Variants in GARIN1A observed in about 807,000 individuals in gnomAD.
GARIN1A encodes the protein golgi associated RAB2 interactor 1A.
the GARIN1A span, among the ~76,000 whole-genome samples, chr7:128,675,448 TTTAG>T: frequency 7.7e-6 from 1 of 130,550 alleles, no homozygotes. Context: ...CAGTTATCTT[TTTAG>T]TTAGATAAAA....
the GARIN1A span, among the ~76,000 whole-genome samples, chr7:128,704,308 CTT>C: frequency 1.6e-3 from 226 of 137,224 alleles, no homozygotes; most frequent in Non-Finnish European, 2.3e-3. Flanking sequence ...TTAGAGTAAC[CTT>C]TTTTTTTTTT....
the GARIN1A span, among the ~76,000 whole-genome samples, chr7:128,705,511 A>G: frequency 2.0e-5 from 3 of 151,806 alleles, no homozygotes; most frequent in African/African-American, 7.3e-5. Flanking sequence ...TATAATTCAG[A>G]AGGTTTTCCA....
the GARIN1A span, among the ~76,000 whole-genome samples, chr7:128,708,811 G>A: frequency 6.6e-6 from 1 of 152,100 alleles, no homozygotes; most frequent in Non-Finnish European, 1.5e-5. Flanking sequence ...ATGGCAAGGG[G>A]AGTCATTCTG....
chr7:128,693,045 C>G, the GARIN1A span, among the ~76,000 whole-genome samples: 4 of 152,358 alleles, frequency 2.6e-5, no homozygotes, highest in East Asian at 7.7e-4. Flanking sequence ...TACAGATAGT[C>G]TAAGAGAAGG....
chr7:128,675,990 CATTT>C, the GARIN1A span: 849 of 580,108 alleles, frequency 1.5e-3, 1 homozygote, highest in Non-Finnish European at 1.9e-3. Flanking sequence ...CTCATTCATT[CATTT>C]GTTTAGCAAC....
the GARIN1A span, among the ~76,000 whole-genome samples, chr7:128,702,385 G>C: frequency 6.6e-6 from 1 of 152,128 alleles, no homozygotes; most frequent in African/African-American, 2.4e-5. Flanking sequence ...AGACAGGAGG[G>C]AGATATTGGA....
At chr7:128,681,643 A>T in the GARIN1A span, among the ~76,000 whole-genome samples, 938 of 151,840 alleles carry the variant, frequency 6.2e-3, 8 homozygotes, top group African/African-American at 0.022. Flanking sequence ...CTGGGGCTAC[A>T]GGCATGCACC....
At chr7:128,680,426 C>A in the GARIN1A span, among the ~76,000 whole-genome samples, 2 of 152,308 alleles carry the variant, frequency 1.3e-5, no homozygotes, top group Non-Finnish European at 2.9e-5. Flanking sequence ...GAAGTGTAAG[C>A]TAACAAAGCA....
At chr7:128,676,784 C>A in the GARIN1A span, among the ~76,000 whole-genome samples, 1 of 151,788 alleles carries the variant, frequency 6.6e-6, no homozygotes, top group African/African-American at 2.4e-5. Flanking sequence ...AGTCAGGAAA[C>A]CTTAGTTCCA....
At chr7:128,680,061 C>T in the GARIN1A span, 1 of 1,577,808 alleles carries the variant, frequency 6.3e-7, no homozygotes, top group South Asian at 1.2e-5. Context: ...ATCCCCCCAG[C>T]CCAGCGAGCC....
chr7:128,697,162 T>C, the GARIN1A span, among the ~76,000 whole-genome samples: 2 of 152,286 alleles, frequency 1.3e-5, no homozygotes, highest in East Asian at 3.9e-4. Flanking sequence ...TGGGATTCAC[T>C]CTGAGTGGGG....
chr7:128,698,421 G>A, the GARIN1A span, among the ~76,000 whole-genome samples: 2 of 151,996 alleles, frequency 1.3e-5, no homozygotes, highest in Non-Finnish European at 2.9e-5. Context: ...TCCCAGCCAT[G>A]CCATCACCCA....
chr7:128,707,201 A>G, the GARIN1A span, among the ~76,000 whole-genome samples: 77 of 126,100 alleles, frequency 6.1e-4, no homozygotes, highest in Non-Finnish European at 1.0e-3. Flanking sequence ...CCCTATTATT[A>G]TTATTATTGT....
At chr7:128,682,945 A>G in the GARIN1A span, 1 of 1,545,124 alleles carries the variant, frequency 6.5e-7, no homozygotes, top group South Asian at 1.2e-5. Flanking sequence ...TAACCCCAAA[A>G]TTCCCTGGGC....
At chr7:128,686,955 CCTCT>C in the GARIN1A span, 2 of 152,194 alleles carry the variant, frequency 1.3e-5, no homozygotes, top group East Asian at 3.8e-4. Context: ...TAGACCCCTG[CCTCT>C]CTCTCCAGCC....
the GARIN1A span, among the ~76,000 whole-genome samples, chr7:128,694,158 C>A: frequency 1.3e-5 from 2 of 151,930 alleles, no homozygotes; most frequent in South Asian, 4.1e-4. Flanking sequence ...AATGACTGTG[C>A]CTTGGGAGAC....
At chr7:128,702,731 A>G in the GARIN1A span, among the ~76,000 whole-genome samples, 1 of 152,254 alleles carries the variant, frequency 6.6e-6, no homozygotes, top group African/African-American at 2.4e-5. Context: ...CAGTCAGTCT[A>G]AACACATCAG....
chr7:128,706,224 C>T, the GARIN1A span, among the ~76,000 whole-genome samples: 1 of 152,158 alleles, frequency 6.6e-6, no homozygotes, highest in African/African-American at 2.4e-5. Context: ...TCCTTTCTGG[C>T]AAACAAGAGG....
the GARIN1A span, among the ~76,000 whole-genome samples, chr7:128,694,297 T>C: frequency 0.45 from 67,892 of 151,928 alleles, 15,193 homozygotes; most frequent in East Asian, 0.57. Flanking sequence ...TTTGGGAGGC[T>C]GAGGCGGGCG....
Sources: gnomAD v4.1 joint callset for allele counts (sites outside exome capture counted in the v4.1 genomes callset) on GRCh38, gnomAD v4.1.1 for gene constraint, MANE v1.5 for transcripts, NCBI Gene and HGNC (gene_info 2026-07-23, HGNC 2026-07-21) for gene names.